Variants in VPS13C observed in about 807,000 individuals in gnomAD.
VPS13C encodes intermembrane lipid transfer protein VPS13C.
Under a neutral mutation model 456.8 loss-of-function variants are expected in VPS13C, and 358 were observed. The observed-to-expected ratio is 0.78, with a 90% CI of 0.72 to 0.86. VPS13C has a LOEUF of 0.86. Among genes scored for constraint, VPS13C ranks in the 40% least tolerant of loss-of-function variants. The pLI, the probability that VPS13C is intolerant of heterozygous loss-of-function variation, is 0.00. For missense variants in VPS13C, 4,818 were observed against 4,385.4 expected (o/e 1.10, Z -2.79); for synonymous variants, 1,578 against 1,486.7 (o/e 1.06, Z -1.41).
intron 40 of VPS13C, 70 bp from the exon 41 acceptor site, chr15:61,950,487 T>A: frequency 8.6e-7 from 1 of 1,162,408 alleles, no homozygotes; most frequent in East Asian, 2.4e-5. Flanking sequence ...AATATACATA[T>A]TCTTTACTTT....
At chr15:61,880,367 C>T (rs566981399) in intron 73 of VPS13C, among the ~76,000 whole-genome samples, 2 of 152,056 alleles carry the variant, frequency 1.3e-5, no homozygotes, top group African/African-American at 2.4e-5. Context: ...ACGCTTTTGT[C>T]AGCTTCTTCT....
chr15:62,025,267 C>A (rs765496935), intron 6 of VPS13C, among the ~76,000 whole-genome samples: 1 of 151,998 alleles, frequency 6.6e-6, no homozygotes, highest in African/African-American at 2.4e-5. Context: ...TCTGCCACTA[C>A]AAAAATTAAG....
intron 56 of VPS13C, 23 bp from the exon 57 acceptor site, chr15:61,920,354 A>C (rs762952597): frequency 3.9e-6 from 6 of 1,542,756 alleles, no homozygotes; most frequent in Non-Finnish European, 5.2e-6. Flanking sequence ...ATATCATCAC[A>C]GTAAAATTTT....
chr15:61,901,513 G>T (rs1036972007), intron 66 of VPS13C, among the ~76,000 whole-genome samples: 7 of 152,190 alleles, frequency 4.6e-5, no homozygotes, highest in African/African-American at 1.7e-4. Flanking sequence ...ATGAAAAAAT[G>T]CTCATCATCA....
In VPS13C at chr15:61,920,268, C is replaced by T. The variant is rs143926369; in HGVS notation, c.7276G>A (p.Val2426Ile). Residue 2426 changes from valine to isoleucine, a missense_variant, in exon 57 of 85, where the codon GTA becomes ATA. Around this residue, in one of 3 missense-constraint regions of VPS13C, gnomAD observed 4,552 missense variants for 4,130.6 expected, o/e 1.10. Coordinates refer to ENST00000644861, the MANE Select transcript of VPS13C (RefSeq NM_020821.3). ...YSLKDRAPFT[V>I]KNAVGVPIKV... The stretch of plus-strand genomic sequence containing the variant: ...ATGGGAACACCTACAGCATTTTTTA[C>T]CGTAAAAGGAGCTCTGTCCTTTAAA... The T allele has an allele frequency of 1.9e-3, 3,131 of 1,613,224 alleles. 7 individuals are homozygous for T. Among genetic ancestry groups the T allele is most frequent in the Non-Finnish European group, 2.3e-3 (2,663 of 1,179,412 alleles).
At chr15:61,905,413 T>C (rs539978164) in intron 66 of VPS13C, among the ~76,000 whole-genome samples, 2 of 152,284 alleles carry the variant, frequency 1.3e-5, no homozygotes, top group East Asian at 3.9e-4. Flanking sequence ...TTAAATCTTA[T>C]GTTGTAATTT....
intron 9 of VPS13C, among the ~76,000 whole-genome samples, chr15:62,014,267 A>T (rs1019658264): frequency 6.6e-6 from 1 of 152,154 alleles, no homozygotes; most frequent in African/African-American, 2.4e-5. Context: ...GGTATGAATG[A>T]AAACAGAGAG....
intron 72 of VPS13C, 59 bp from the exon 73 acceptor site, chr15:61,880,781 CA>C: frequency 6.5e-7 from 1 of 1,545,964 alleles, no homozygotes; most frequent in South Asian, 1.2e-5. Context: ...AGAATTCGTT[CA>C]AAAGAGGCTG....
At chr15:61,943,873 G>A (rs778907611) in intron 45 of VPS13C, among the ~76,000 whole-genome samples, 18 of 150,352 alleles carry the variant, frequency 1.2e-4, no homozygotes, top group Non-Finnish European at 2.4e-4. Flanking sequence ...AAAAATGTTC[G>A]CAAATTATGC....
Position 61,921,964 on chromosome 15 carries a change from A to G in VPS13C, c.7045T>C (p.Trp2349Arg), listed in dbSNP as rs1378655249. 2.5e-6 allele frequency: 4 copies of G among 1,613,326 alleles called. No individual in the cohort carries two copies. The highest frequency in any genetic ancestry group is 2.2e-5 in the East Asian group (1 of 44,850). The change falls in exon 55 of 85, where the codon TGG becomes CGG. Residue 2349 changes from tryptophan (W) to arginine (R), a missense_variant. Physicochemically the swap from Trp to Arg is moderately radical, Grantham distance 101. This residue lies in a region of VPS13C where 4,552 missense variants were observed against 4,130.6 expected (regional missense o/e 1.10). Coordinates refer to ENST00000644861, the MANE Select transcript of VPS13C (RefSeq NM_020821.3). ...LIERVEGKRQ[W>R]NLRLDVKKNP... Reference sequence around the variant, plus strand: ...TTCCTTACATCAAGCCTTAAATTCCATTGTCTCTTCCCCTCCACTCTCTCA... The same window carrying G: ...TTCCTTACATCAAGCCTTAAATTCCGTTGTCTCTTCCCCTCCACTCTCTCA...
chr15:61,927,973 A>C (rs1423780372), intron 51 of VPS13C, among the ~76,000 whole-genome samples: 2 of 147,830 alleles, frequency 1.4e-5, no homozygotes, highest in Non-Finnish European at 3.0e-5. Flanking sequence ...GTTCTCACTC[A>C]TAGGTGGGAA....
chr15:62,045,880 GT>G (rs1347180031), intron 1 of VPS13C, among the ~76,000 whole-genome samples: 6 of 152,026 alleles, frequency 3.9e-5, no homozygotes, highest in Admixed American at 3.9e-4. Context: ...ATGGGAAAAT[GT>G]TCACAGAATA....
chr15:61,950,277 A>T, intron 41 of VPS13C, 81 bp downstream of exon 41: 1 of 1,014,916 alleles, frequency 9.9e-7, no homozygotes, highest in Non-Finnish European at 1.5e-6. Context: ...GTTAGAACTT[A>T]CAATCTCACA....
rs532239185 is a variant in VPS13C, at chr15:61,865,467, G to A, written c.10864-1939C>T. On this transcript the variant is annotated intron_variant, in intron 81 of 84. Transcript: ENST00000644861. Reference sequence around the variant, plus strand: ...AAAAGCAAGAAATGCTGTTTTAAACGTTGCATGATCATAAGTATGTGAACC... The same window carrying A: ...AAAAGCAAGAAATGCTGTTTTAAACATTGCATGATCATAAGTATGTGAACC... The A allele has an allele frequency of 1.7e-5, 17 of 984,170 alleles. No individual in the cohort carries two copies. In the East Asian group the frequency reaches 3.4e-4, roughly 20 times the overall value. The allele number at this position is 984,170 out of a possible 1,614,324, so 61.0% of individuals were successfully genotyped here. A position where few individuals can be genotyped will look rare whatever the true frequency, so the allele number is the denominator to read the frequency against.
In VPS13C at chr15:61,915,937, A is replaced by C; in HGVS notation, c.8141T>G (p.Val2714Gly). The change falls in exon 61 of 85, where the codon GTC becomes GGC. Residue 2714 changes from valine to glycine, a missense_variant. Around this residue, in one of 3 missense-constraint regions of VPS13C, gnomAD observed 4,552 missense variants for 4,130.6 expected, o/e 1.10. Coordinates refer to ENST00000644861, the MANE Select transcript of VPS13C (RefSeq NM_020821.3). ...SRISGEIMEL[V>G]LVKYQGKNWN... ...GTTTTTGCCCTGGTATTTCACCAGGACTAATTCCATTATTTCACCACTGAT... is the reference window on the plus strand; with the variant it reads ...GTTTTTGCCCTGGTATTTCACCAGGCCTAATTCCATTATTTCACCACTGAT... 3 of 1,614,062 alleles carry C rather than the reference A, an allele frequency of 1.9e-6. No individual in the cohort carries two copies. Among genetic ancestry groups the C allele is most frequent in the Non-Finnish European group, 2.5e-6 (3 of 1,179,982 alleles).
chr15:61,890,542 T>C (rs1171152985), intron 66 of VPS13C, 142 bp from the exon 67 acceptor site: 2 of 719,390 alleles, frequency 2.8e-6, no homozygotes, highest in East Asian at 2.7e-5. Flanking sequence ...ATGACATAAA[T>C]TAAGCTATAA....
intron 66 of VPS13C, among the ~76,000 whole-genome samples, chr15:61,900,942 C>G (rs2042978748): frequency 6.6e-6 from 1 of 151,964 alleles, no homozygotes; most frequent in Admixed American, 6.6e-5. Flanking sequence ...ACGGAGCCCT[C>G]AGAAATAACG....
At chr15:62,036,569 T>A (rs1468472864) in intron 3 of VPS13C, among the ~76,000 whole-genome samples, 1 of 152,142 alleles carries the variant, frequency 6.6e-6, no homozygotes, top group African/African-American at 2.4e-5. Context: ...CTAAGTCCAG[T>A]GATTTTATAT....
Position 62,010,546 on chromosome 15 carries a change from A to C in VPS13C, c.937T>G (p.Ser313Ala). 6.2e-7 allele frequency: 1 copy of C among 1,613,506 alleles called. No individual in the cohort carries two copies. The highest frequency in any genetic ancestry group is 8.5e-7 in the Non-Finnish European group (1 of 1,179,750). ...AKLYMNPYAE[S>A]ELKTPKLDCN... Reference sequence around the variant, plus strand: ...TCCAGTTTGGGCGTTTTGAGCTCTGATTCTGCATAAGGATTCATGTAGAGT... The same window carrying C: ...TCCAGTTTGGGCGTTTTGAGCTCTGCTTCTGCATAAGGATTCATGTAGAGT... Residue 313 changes from serine (S) to alanine (A), a missense_variant, in exon 13 of 85, where the codon TCA (serine) becomes GCA (alanine). Physicochemically the swap from Ser to Ala is moderately conservative, Grantham distance 99. Coordinates refer to ENST00000644861, the MANE Select transcript of VPS13C (RefSeq NM_020821.3).
Sources: allele counts gnomAD v4.1 joint callset (sites outside exome capture counted in the v4.1 genomes callset), GRCh38; gene constraint gnomAD v4.1.1; regional missense constraint gnomAD v4.1.1; transcripts MANE v1.5; gene names NCBI Gene and HGNC (gene_info 2026-07-23, HGNC 2026-07-21).